Variants in PLCB1 observed in about 807,000 individuals in gnomAD.
PLCB1 encodes phospholipase C beta 1.
Under a neutral mutation model 161.8 loss-of-function variants are expected in PLCB1, and 46 were observed. The ratio of observed to expected loss-of-function variants is 0.28; its 90% CI spans 0.22 to 0.36. The LOEUF is 0.36. Among genes scored for constraint, PLCB1 ranks in the 10% least tolerant of loss-of-function variants. The pLI is 1.00. For missense variants in PLCB1, 1,016 were observed against 1,472.5 expected (o/e 0.69, Z 5.07); for synonymous variants, 517 against 503.7 (o/e 1.03, Z -0.35).
At chr20:8,802,329 AT>A (rs967195412) in intron 31 of PLCB1, 15 of 551,064 alleles carry the variant, frequency 2.7e-5, no homozygotes, top group African/African-American at 2.1e-4. Flanking sequence ...ACCCATGATC[AT>A]TTCCTCATCC....
chr20:8,630,068 C>T (rs1400555447), intron 4 of PLCB1, among the ~76,000 whole-genome samples: 25 of 107,666 alleles, frequency 2.3e-4, no homozygotes, highest in Admixed American at 4.1e-4. Context: ...CTTTCTTTTT[C>T]TCTCTCTCTC....
chr20:8,511,225 A>T (rs980616596), intron 3 of PLCB1, among the ~76,000 whole-genome samples: 1 of 152,010 alleles, frequency 6.6e-6, no homozygotes, highest in African/African-American at 2.4e-5. Flanking sequence ...AACAGTATTT[A>T]CTTATCTTTC....
At chr20:8,339,893 C>T (rs1435419703) in intron 2 of PLCB1, among the ~76,000 whole-genome samples, 1 of 152,114 alleles carries the variant, frequency 6.6e-6, no homozygotes, top group African/African-American at 2.4e-5. Flanking sequence ...CGCTTGAGGT[C>T]GGGAGTTCAA....
At chr20:8,613,209 A>G (rs908161480) in intron 3 of PLCB1, among the ~76,000 whole-genome samples, 4 of 152,238 alleles carry the variant, frequency 2.6e-5, no homozygotes, top group African/African-American at 9.6e-5. Context: ...TCTTCTATGT[A>G]TAAGGAATTG....
intron 2 of PLCB1, among the ~76,000 whole-genome samples, chr20:8,178,611 G>T (rs7268448): frequency 0.019 from 2,950 of 152,086 alleles, 93 homozygotes; most frequent in African/African-American, 0.065. Flanking sequence ...TAGTTTCTTG[G>T]GCTGTGAAGG....
chr20:8,727,234 T>C lies in PLCB1; in HGVS notation c.1679-75T>C, dbSNP rs771142111. ...TCACTGAATATTTACCCATTTCTTT[T>C]ATAATGTTATAATTTATAACAATGA... On this transcript the variant is annotated intron_variant, in intron 16 of 31. Transcript: ENST00000338037. The C allele has an allele frequency of 3.9e-4, 265 of 676,682 alleles. 3 individuals are homozygous for C. Among genetic ancestry groups the C allele is most frequent in the Non-Finnish European group, 4.8e-4 (187 of 392,226 alleles). The allele number at this position is 676,682 out of a possible 1,614,324, so 41.9% of individuals were successfully genotyped here.
intron 3 of PLCB1, among the ~76,000 whole-genome samples, chr20:8,407,875 A>C (rs1427033561): frequency 1.3e-5 from 2 of 152,046 alleles, no homozygotes; most frequent in African/African-American, 4.8e-5. Flanking sequence ...AGACAAATCC[A>C]GATTAAGGGA....
chr20:8,288,508 TG>T (rs1414428055), intron 2 of PLCB1, among the ~76,000 whole-genome samples: 1 of 152,192 alleles, frequency 6.6e-6, no homozygotes, highest in African/African-American at 2.4e-5. Context: ...AGCCTCAACC[TG>T]GTCCCACAGG....
In PLCB1 at chr20:8,881,651, A is replaced by T. The variant is rs1321170792; in HGVS notation, c.3453A>T (p.Gln1151His). The change falls in exon 32 of 32, where the codon CAA (glutamine) becomes CAT (histidine). Residue 1151 changes from glutamine to histidine, a missense_variant. Transcript: ENST00000338037. ...AGGTGGAGCTGGAGCAAGAATACCAAGACAAATTCAAAAGACTGCCCCTCG... is the reference window on the plus strand; with the variant it reads ...AGGTGGAGCTGGAGCAAGAATACCATGACAAATTCAAAAGACTGCCCCTCG... ...KLQVELEQEY[Q>H]DKFKRLPLEI... The T allele has an allele frequency of 6.2e-7, 1 of 1,614,082 alleles. No homozygotes were observed. The highest frequency in any genetic ancestry group is 8.5e-7 in the Non-Finnish European group (1 of 1,179,976).
At chr20:8,719,990 G>A (rs1173688659) in intron 14 of PLCB1, among the ~76,000 whole-genome samples, 2 of 152,044 alleles carry the variant, frequency 1.3e-5, no homozygotes, top group Admixed American at 6.5e-5. Context: ...GTTTTGTCCT[G>A]TAGCTTTTGA....
chr20:8,196,341 A>G (rs2052023782), intron 2 of PLCB1, among the ~76,000 whole-genome samples: 1 of 152,242 alleles, frequency 6.6e-6, no homozygotes, highest in South Asian at 2.1e-4. Context: ...ACTCTGTATC[A>G]TTATTGAGCA....
intron 3 of PLCB1, among the ~76,000 whole-genome samples, chr20:8,402,678 C>CAA (rs34206983): frequency 2.7e-5 from 3 of 111,636 alleles, no homozygotes; most frequent in African/African-American, 3.4e-5. Flanking sequence ...ACTAAAAATA[C>CAA]AAAAAAAAAA....
chr20:8,276,100 C>T (rs1244603134), intron 2 of PLCB1, among the ~76,000 whole-genome samples: 1 of 152,074 alleles, frequency 6.6e-6, no homozygotes, highest in Non-Finnish European at 1.5e-5. Context: ...TAAACCCCAG[C>T]ATCTTTACTA....
chr20:8,539,641 T>TTTCTTTCTTTCTTTCTTTCTTTCC, intron 3 of PLCB1, among the ~76,000 whole-genome samples: 1 of 51,166 alleles, frequency 2.0e-5, no homozygotes, highest in African/African-American at 8.8e-5. Flanking sequence ...TCTTTCTTTC[T>TTTCTTTCTTTCTTTCTTTCTTTCC]TTCTTTCTTT....
chr20:8,504,134 G>A (rs1983534491), intron 3 of PLCB1, among the ~76,000 whole-genome samples: 1 of 152,182 alleles, frequency 6.6e-6, no homozygotes, highest in Non-Finnish European at 1.5e-5. Flanking sequence ...GTATTTCTCA[G>A]TCTGGCTATG....
At chr20:8,670,382 C>T (rs1313307358) in intron 9 of PLCB1, among the ~76,000 whole-genome samples, 1 of 152,080 alleles carries the variant, frequency 6.6e-6, no homozygotes, top group African/African-American at 2.4e-5. Context: ...CACACAAAAC[C>T]ACATCAAATA....
chr20:8,658,818 C>G (rs890577447), intron 9 of PLCB1, 114 bp downstream of exon 9: 1 of 855,158 alleles, frequency 1.2e-6, no homozygotes, highest in Admixed American at 2.7e-5. Context: ...GTTTACAAGG[C>G]ATTCCTTTCG....
At position 8,740,417 on chromosome 20, in the gene PLCB1, A is replaced by G. The variant is rs762411079; in HGVS notation, c.2382A>G (p.Glu794=). The change falls in exon 22 of 32, where the codon GAA becomes GAG. Residue 794 remains glutamate, a synonymous_variant. Coordinates refer to ENST00000338037, the MANE Select transcript of PLCB1 (RefSeq NM_015192.4). ...LTLPAVFVYI[E]VKDYVPDTYA... ...TGCCTGCTGTCTTTGTCTACATAGA[A>G]GTGAAAGACTATGTGCCAGACACAT... is the stretch of plus-strand genomic sequence containing the variant. 2.2e-5 allele frequency: 35 copies of G among 1,600,110 alleles called. No homozygotes were observed. The highest frequency in any genetic ancestry group is 2.1e-4 in the Admixed American group (12 of 56,634).
chr20:8,543,243 A>G (rs1451630084), intron 3 of PLCB1, among the ~76,000 whole-genome samples: 1 of 152,160 alleles, frequency 6.6e-6, no homozygotes, highest in East Asian at 1.9e-4. Flanking sequence ...GGGGAGCTTA[A>G]TGGGAGATTA....
Sources: gnomAD v4.1 joint callset for allele counts (sites outside exome capture counted in the v4.1 genomes callset) on GRCh38, gnomAD v4.1.1 for gene constraint, MANE v1.5 for transcripts, NCBI Gene and HGNC (gene_info 2026-07-23, HGNC 2026-07-21) for gene names.